DPYD: variants seen among roughly 807,000 people sequenced by gnomAD.
DPYD encodes the protein dihydropyrimidine dehydrogenase [NADP(+)].
A neutral mutation model predicts 116.2 loss-of-function variants in DPYD; 109 were observed. That is an observed-to-expected ratio of 0.94 (90% CI 0.80 to 1.10). DPYD has a LOEUF of 1.10. Among genes scored for constraint, DPYD ranks in the 50% least tolerant of loss-of-function variants. The pLI is 0.00. For missense variants in DPYD, 1,302 were observed against 1,254.5 expected, an observed-to-expected ratio of 1.04 and a Z score of -0.57; for synonymous variants, 440 against 432.0, an observed-to-expected ratio of 1.02 and a Z score of -0.23.
intron 14 of DPYD, among the ~76,000 whole-genome samples, chr1:97,392,454 T>C (rs1672759126): frequency 6.6e-6 from 1 of 151,854 alleles, no homozygotes; most frequent in Admixed American, 6.6e-5. Flanking sequence ...TCCTGGGTGC[T>C]GTAGCAATTT....
intron 14 of DPYD, among the ~76,000 whole-genome samples, chr1:97,421,477 T>C (rs1352421320): frequency 6.6e-6 from 1 of 152,106 alleles, no homozygotes; most frequent in Non-Finnish European, 1.5e-5. Context: ...ACAAAAGTGA[T>C]TGCCTAGAAA....
At chr1:97,664,545 A>C (rs1424405374) in intron 8 of DPYD, among the ~76,000 whole-genome samples, 4 of 152,132 alleles carry the variant, frequency 2.6e-5, no homozygotes, top group African/African-American at 9.6e-5. Flanking sequence ...ATATATATAT[A>C]ACTATACATT....
In DPYD at chr1:97,596,244, T is replaced by C. The variant is rs1654877138; in HGVS notation, c.851-1078A>G. On this transcript the variant is annotated intron_variant, in intron 8 of 22. Coordinates refer to ENST00000370192, the MANE Select transcript of DPYD (RefSeq NM_000110.4). ...CTGCAGGATTCAAAACTCTGTATAGTATAATTCAAATTTTGTAAAAAAATG... is the reference window on the plus strand; with the variant it reads ...CTGCAGGATTCAAAACTCTGTATAGCATAATTCAAATTTTGTAAAAAAATG... 2.6e-5 allele frequency among the ~76,000 whole-genome samples: 4 copies of C among 152,270 alleles called. No individual in the cohort carries two copies. The South Asian group carries it at 8.3e-4, about 32-fold the overall frequency.
chr1:97,154,511 C>T (rs1655286113), intron 20 of DPYD, among the ~76,000 whole-genome samples: 1 of 151,752 alleles, frequency 6.6e-6, no homozygotes, highest in African/African-American at 2.4e-5. Context: ...AATCCCAGCA[C>T]TTTGGGAGGT....
At chr1:97,144,673 T>G (rs1350983916) in intron 20 of DPYD, among the ~76,000 whole-genome samples, 1 of 152,228 alleles carries the variant, frequency 6.6e-6, no homozygotes, top group African/African-American at 2.4e-5. Context: ...ACTCCTTCTT[T>G]ATACACAGGT....
At chr1:97,562,865 G>A (rs1652254940) in intron 11 of DPYD, among the ~76,000 whole-genome samples, 1 of 151,954 alleles carries the variant, frequency 6.6e-6, no homozygotes, top group Admixed American at 6.6e-5. Context: ...GATTACAGGT[G>A]TGCGCCATTA....
intron 13 of DPYD, among the ~76,000 whole-genome samples, chr1:97,506,929 CT>C (rs1465744343): frequency 6.6e-6 from 1 of 151,986 alleles, no homozygotes; most frequent in African/African-American, 2.4e-5. Context: ...TGATTTAAAA[CT>C]TTAAGGATAG....
chr1:97,914,567 T>C (rs1674127407), intron 1 of DPYD, among the ~76,000 whole-genome samples: 1 of 152,140 alleles, frequency 6.6e-6, no homozygotes, highest in South Asian at 2.1e-4. Context: ...TCCATATGTA[T>C]GTTGCAGTAA....
chr1:97,759,183 C>A (rs761516753), intron 3 of DPYD, among the ~76,000 whole-genome samples: 2 of 152,164 alleles, frequency 1.3e-5, no homozygotes, highest in African/African-American at 2.4e-5. Flanking sequence ...AGCGTTACTG[C>A]ATCCTACCAA....
At chr1:97,683,538 C>G (rs1335567885) in intron 7 of DPYD, among the ~76,000 whole-genome samples, 1 of 151,736 alleles carries the variant, frequency 6.6e-6, no homozygotes, top group Non-Finnish European at 1.5e-5. Context: ...TGCAAAAATG[C>G]AATATCTTCA....
chr1:97,340,355 A>G (rs959362470), intron 16 of DPYD, among the ~76,000 whole-genome samples: 4 of 152,160 alleles, frequency 2.6e-5, no homozygotes, highest in African/African-American at 9.7e-5. Context: ...TCAAACAAGA[A>G]AAGACATATA....
chr1:97,316,040 T>C (rs540218311), intron 16 of DPYD, among the ~76,000 whole-genome samples: 28 of 152,066 alleles, frequency 1.8e-4, no homozygotes, highest in African/African-American at 5.8e-4. Flanking sequence ...CTGGAAGCAA[T>C]TGTGCAAATG....
chr1:97,760,757 ACAGGTCTGAAGTGCTC>A (rs1665530093), intron 3 of DPYD, among the ~76,000 whole-genome samples: 1 of 152,086 alleles, frequency 6.6e-6, no homozygotes, highest in African/African-American at 2.4e-5. Context: ...AACTGAAACT[ACAGGTCTGAAGTGCTC>A]CAGGTTCTGA....
At chr1:97,677,211 A>G (rs1660192941) in intron 8 of DPYD, among the ~76,000 whole-genome samples, 1 of 152,182 alleles carries the variant, frequency 6.6e-6, no homozygotes, top group Non-Finnish European at 1.5e-5. Context: ...ATTAATTTGG[A>G]TATTTCAATG....
chr1:97,313,671 T>A (rs931592029), intron 16 of DPYD, among the ~76,000 whole-genome samples: 2 of 152,022 alleles, frequency 1.3e-5, no homozygotes, highest in East Asian at 3.9e-4. Context: ...TCATTTTTTG[T>A]CCCTTGAATA....
intron 1 of DPYD, among the ~76,000 whole-genome samples, chr1:97,887,045 A>AAG (rs941339472): frequency 4.6e-5 from 7 of 152,046 alleles, no homozygotes; most frequent in African/African-American, 1.7e-4. Flanking sequence ...CAGACATCTT[A>AAG]AGAGAGAGAT....
chr1:97,787,692 C>G (rs932602610), intron 3 of DPYD, among the ~76,000 whole-genome samples: 1 of 152,066 alleles, frequency 6.6e-6, no homozygotes, highest in Non-Finnish European at 1.5e-5. Context: ...AACAGAAGTT[C>G]CGTCGAACAA....
intron 18 of DPYD, among the ~76,000 whole-genome samples, chr1:97,260,686 A>G (rs1663817536): frequency 6.6e-6 from 1 of 152,152 alleles, no homozygotes; most frequent in Non-Finnish European, 1.5e-5. Flanking sequence ...ATACAAAACA[A>G]AAGGACACAT....
At chr1:97,535,649 A>T (rs1042275325) in intron 12 of DPYD, among the ~76,000 whole-genome samples, 2 of 152,208 alleles carry the variant, frequency 1.3e-5, no homozygotes, top group Admixed American at 1.3e-4. Flanking sequence ...GCCATTTAAT[A>T]AAAGTTTGGA....
Sources: allele counts gnomAD v4.1 joint callset (sites outside exome capture counted in the v4.1 genomes callset), GRCh38; gene constraint gnomAD v4.1.1; transcripts MANE v1.5; gene names NCBI Gene and HGNC (gene_info 2026-07-23, HGNC 2026-07-21).